Variants in MLIP observed in about 807,000 individuals in gnomAD.
MLIP encodes the protein muscular LMNA-interacting protein.
In MLIP, 79 loss-of-function variants were observed where a neutral mutation model predicts 84.8. That is an observed-to-expected ratio of 0.93 (90% CI 0.78 to 1.12). The LOEUF is 1.12. MLIP is among the 50% of genes most tolerant of loss of function. The pLI is 0.00. For missense variants in MLIP, 1,257 were observed against 1,160.6 expected, an observed-to-expected ratio of 1.08 and a Z score of -1.21; for synonymous variants, 504 against 463.0, an observed-to-expected ratio of 1.09 and a Z score of -1.14.
At chr6:54,165,109 T>C (rs1041837277) in intron 8 of MLIP, among the ~76,000 whole-genome samples, 2 of 151,934 alleles carry the variant, frequency 1.3e-5, no homozygotes, top group African/African-American at 2.4e-5. Context: ...GCCTGGTGCC[T>C]GGGGTGGCAG....
intron 11 of MLIP, among the ~76,000 whole-genome samples, chr6:54,227,880 G>A (rs577297017): frequency 5.2e-4 from 79 of 152,146 alleles, no homozygotes; most frequent in African/African-American, 1.9e-3. Context: ...TAAGACACAG[G>A]CTATTAGAAA....
chr6:54,115,256 G>T (rs553168656), intron 1 of MLIP, among the ~76,000 whole-genome samples: 1 of 152,220 alleles, frequency 6.6e-6, no homozygotes, highest in African/African-American at 2.4e-5. Flanking sequence ...ACTTAGTGAG[G>T]GCTGTAATGT....
Position 54,061,275 on chromosome 6 carries a change from G to A in MLIP, c.63+42184G>A, listed in dbSNP as rs528231093. Among the ~76,000 whole-genome samples, 13 of 152,274 alleles carry A rather than the reference G, an allele frequency of 8.5e-5. No individual in the cohort carries two copies. In the South Asian group the frequency reaches 2.5e-3, roughly 29 times the overall value. ...AAATAGAGATGGCCAAGTTAACTGA[G>A]TGACTTTTCTTGAGGACGAGGACCA... On this transcript the variant is annotated intron_variant, in intron 1 of 12. Coordinates refer to the MLIP transcript ENST00000274897.
chr6:54,138,367 T>G (rs1490277925), intron 4 of MLIP, 81 bp downstream of exon 4: 1 of 1,430,164 alleles, frequency 7.0e-7, no homozygotes, highest in Non-Finnish European at 9.2e-7. Context: ...CAGAAATCAA[T>G]AATTATAGTA....
intron 11 of MLIP, among the ~76,000 whole-genome samples, chr6:54,224,717 C>A (rs1204612017): frequency 1.3e-5 from 2 of 151,948 alleles, no homozygotes; most frequent in African/African-American, 4.8e-5. Context: ...TATATGTTGT[C>A]TTTTATCCCT....
chr6:54,265,820 CT>C, intron 13 of MLIP, 129 bp from the exon 14 acceptor site: 2 of 760,808 alleles, frequency 2.6e-6, no homozygotes, highest in Non-Finnish European at 4.3e-6. Context: ...TAAAAATAAG[CT>C]TTTCCTATTG....
chr6:54,182,805 G>A (rs1192329411), intron 9 of MLIP, among the ~76,000 whole-genome samples: 1 of 152,030 alleles, frequency 6.6e-6, no homozygotes. Flanking sequence ...TCTGAAAATA[G>A]GGTAGTATTT....
At chr6:54,044,877 T>A (rs1764947211) in intron 1 of MLIP, among the ~76,000 whole-genome samples, 1 of 152,202 alleles carries the variant, frequency 6.6e-6, no homozygotes, top group Admixed American at 6.5e-5. Context: ...ATGAAACATA[T>A]CAGTTTGCTT....
chr6:54,043,986 G>C (rs1420723224), intron 1 of MLIP, among the ~76,000 whole-genome samples: 1 of 152,172 alleles, frequency 6.6e-6, no homozygotes, highest in Non-Finnish European at 1.5e-5. Context: ...AGATCTATAG[G>C]AAGCTGTGGT....
chr6:54,202,213 AG>A lies in MLIP; in HGVS notation c.2699del (p.Ser900ThrfsTer9), dbSNP rs759683265. The A allele has an allele frequency of 3.2e-6, 5 of 1,575,938 alleles. No homozygotes were observed. In the Admixed American group the frequency reaches 8.9e-5, roughly 28 times the overall value. On this transcript the variant is annotated frameshift_variant, in exon 11 of 14. Transcript: ENST00000502396. LOFTEE classifies it high-confidence loss of function. The part of the protein sequence containing the change: ...NPFSKYLEDN[S>X]DLFSEQDVTV... ...TTTCAGTAAATACTTGGAAGATAAC[AG>A]CGACCTCTTTTCTGAACAGGTGAGC...
intron 1 of MLIP, chr6:54,031,331 C>A (rs1317434597): frequency 6.6e-6 from 1 of 152,028 alleles, no homozygotes; most frequent in African/African-American, 2.4e-5. Context: ...TACTCCTTAT[C>A]CGAGAGCAGA....
intron 3 of MLIP, among the ~76,000 whole-genome samples, chr6:54,129,149 T>C (rs1049675560): frequency 3.3e-5 from 5 of 152,140 alleles, no homozygotes; most frequent in African/African-American, 1.2e-4. Flanking sequence ...ATTTCATGGA[T>C]TCATAGAAAA....
At chr6:54,215,047 T>C in intron 11 of MLIP, 1 of 847,006 alleles carries the variant, frequency 1.2e-6, no homozygotes, top group Non-Finnish European at 1.9e-6. Flanking sequence ...TTCTCAATAT[T>C]CTGGACCCTG....
chr6:54,044,787 AG>A (rs778832993), intron 1 of MLIP, among the ~76,000 whole-genome samples: 18 of 152,190 alleles, frequency 1.2e-4, no homozygotes, highest in African/African-American at 4.3e-4. Context: ...AGAAATAGCA[AG>A]GGCCGATCAA....
At chr6:54,130,670 G>A (rs1458410751) in intron 3 of MLIP, among the ~76,000 whole-genome samples, 2 of 152,144 alleles carry the variant, frequency 1.3e-5, no homozygotes, top group Non-Finnish European at 1.5e-5. Context: ...AAAAAAAAGT[G>A]TATTAGGTTG....
In MLIP at chr6:54,230,780, G is replaced by C; in HGVS notation, c.2785G>C (p.Ala929Pro). Reference sequence around the variant, plus strand: ...ATATCAGACTAAACTCTATCCTCCTGCTAAGTCACTGCTGCATCCACAGAC... The same window carrying C: ...ATATCAGACTAAACTCTATCCTCCTCCTAAGTCACTGCTGCATCCACAGAC... ...PLYQTKLYPP[A>P]KSLLHPQTLS... is the part of the protein sequence containing the mutation. The change falls in exon 12 of 14, where the codon GCT becomes CCT. Residue 929 changes from alanine to proline, a missense_variant. By Grantham distance (27) the Ala-to-Pro change is conservative. Transcript: ENST00000502396. 3.1e-6 allele frequency: 5 copies of C among 1,614,000 alleles called. No homozygotes were observed. The highest frequency in any genetic ancestry group is 4.2e-6 in the Non-Finnish European group (5 of 1,179,980).
chr6:54,168,373 A>G lies in MLIP; in HGVS notation c.2500-1155A>G, dbSNP rs79139035. The stretch of plus-strand genomic sequence containing the variant: ...ACATCTAGGTGTTCCAGAAAAATAC[A>G]AGGTATTTTGTAGAAGCAAATAAAT... On this transcript the variant is annotated intron_variant, in intron 8 of 13. Coordinates refer to ENST00000502396, the MANE Select transcript of MLIP (RefSeq NM_001281747.2). Among the ~76,000 whole-genome samples the G allele has an allele frequency of 1.6e-3, 246 of 151,956 alleles. 1 individual carries two copies. The East Asian group carries it at 0.034, about 21-fold the overall frequency.
chr6:54,153,300 T>C (rs1490054740), intron 5 of MLIP, among the ~76,000 whole-genome samples: 3 of 152,220 alleles, frequency 2.0e-5, no homozygotes, highest in African/African-American at 7.2e-5. Context: ...CTGTCAACTG[T>C]CAAGTCTATT....
chr6:54,252,892 T>A (rs1782738838), intron 12 of MLIP, among the ~76,000 whole-genome samples: 1 of 152,174 alleles, frequency 6.6e-6, no homozygotes, highest in Non-Finnish European at 1.5e-5. Flanking sequence ...TTGAAGGATC[T>A]TCAGTTTTCA....
Sources: allele counts gnomAD v4.1 joint callset (sites outside exome capture counted in the v4.1 genomes callset), GRCh38; gene constraint gnomAD v4.1.1; transcripts MANE v1.5; gene names NCBI Gene and HGNC (gene_info 2026-07-23, HGNC 2026-07-21).